CALN1: variants seen among roughly 807,000 people sequenced by gnomAD.
CALN1 encodes calneuron 1.
In CALN1, 17 loss-of-function variants were observed where a neutral mutation model predicts 30.6. The observed-to-expected ratio is 0.56, with a 90% CI of 0.38 to 0.83. The LOEUF (loss-of-function observed/expected upper bound fraction) is 0.83, where lower values mean the gene tolerates loss of function less well. Ranked by LOEUF, CALN1 falls within the 40% of genes least tolerant of loss-of-function variation. The probability of loss-of-function intolerance (pLI) is 0.00; values close to 1 mark genes in which losing one functional copy is unlikely to be tolerated. For missense variants in CALN1, 291 were observed against 354.9 expected (o/e 0.82, Z 1.45); for synonymous variants, 156 against 131.4 (o/e 1.19, Z -1.28).
At chr7:71,812,554 C>T (rs188804589) in intron 5 of CALN1, among the ~76,000 whole-genome samples, 169 of 152,306 alleles carry the variant, frequency 1.1e-3, no homozygotes, top group African/African-American at 3.9e-3. Flanking sequence ...TTGAAATTAG[C>T]TGCATCTAAC....
At chr7:71,955,444 C>T (rs1021464890) in intron 5 of CALN1, among the ~76,000 whole-genome samples, 1 of 152,046 alleles carries the variant, frequency 6.6e-6, no homozygotes, top group Admixed American at 6.6e-5. Context: ...TTATTTAAAT[C>T]TCAAAATGCT....
At chr7:72,278,880 G>A in intron 2 of CALN1, 70 bp from the exon 3 acceptor site, 1 of 1,558,120 alleles carries the variant, frequency 6.4e-7, no homozygotes, top group Non-Finnish European at 8.8e-7. Context: ...CTTTCTTAAA[G>A]GACCATCTGA....
intron 2 of CALN1, among the ~76,000 whole-genome samples, chr7:72,335,132 A>C (rs1249330693): frequency 6.6e-6 from 1 of 151,946 alleles, no homozygotes. Context: ...AAAAATCAAA[A>C]CTCCACATTC....
intron 3 of CALN1, among the ~76,000 whole-genome samples, chr7:72,259,767 A>G (rs368641753): frequency 9.2e-5 from 14 of 152,118 alleles, no homozygotes; most frequent in Non-Finnish European, 1.5e-5. Flanking sequence ...TCCCCAACTC[A>G]TTGCTCCTTC....
At chr7:72,132,928 T>A (rs1809259869) in intron 3 of CALN1, among the ~76,000 whole-genome samples, 1 of 152,122 alleles carries the variant, frequency 6.6e-6, no homozygotes, top group African/African-American at 2.4e-5. Context: ...CCATCTCCTA[T>A]CAGATCAGCA....
intron 5 of CALN1, among the ~76,000 whole-genome samples, chr7:71,872,477 T>C (rs1213520154): frequency 1.3e-5 from 2 of 152,260 alleles, no homozygotes; most frequent in East Asian, 3.8e-4. Flanking sequence ...TAATAAATTG[T>C]GTCCTCAGAG....
At position 71,781,540 on chromosome 7, in the gene CALN1, G is replaced by A. The variant is rs1373196301; in HGVS notation, c.*6235C>T. The A allele has an allele frequency of 2.6e-5, 4 of 152,198 alleles. No homozygotes were observed. The highest frequency in any genetic ancestry group is 4.4e-5 in the Non-Finnish European group (3 of 68,074). 9.4% of individuals were successfully genotyped at this position (152,198 alleles called of 1,614,324 possible). The stretch of plus-strand genomic sequence containing the variant: ...AGCGATCCAGAGAAGACCTTCAGAG[G>A]ACAGCATCTGCAGCCCTTTAAGAAC... On this transcript the variant is annotated 3_prime_UTR_variant, in exon 7 of 7. Transcript: ENST00000395275.
chr7:71,921,815 C>A (rs1000331585), intron 5 of CALN1, among the ~76,000 whole-genome samples: 3 of 152,042 alleles, frequency 2.0e-5, no homozygotes, highest in Admixed American at 1.3e-4. Flanking sequence ...TCTCACTGTA[C>A]CTCTGCACCA....
intron 5 of CALN1, among the ~76,000 whole-genome samples, chr7:71,920,829 C>T (rs1794907428): frequency 6.6e-6 from 1 of 152,124 alleles, no homozygotes; most frequent in Non-Finnish European, 1.5e-5. Context: ...GGATCTATAA[C>T]TAGAAATACC....
chr7:71,998,310 G>T (rs958296678), intron 5 of CALN1, among the ~76,000 whole-genome samples: 1 of 152,110 alleles, frequency 6.6e-6, no homozygotes, highest in Admixed American at 6.6e-5. Flanking sequence ...CAAGGAGGAG[G>T]AAGAAATAAG....
Position 71,847,776 on chromosome 7 carries a change from G to GAAGAAAGAAGAAAGAAGAAGAAGAAGA in CALN1, c.502-37285_502-37284insTCTTCTTCTTCTTCTTTCTTCTTTCTT, listed in dbSNP as rs1562835581. Among the ~76,000 whole-genome samples the GAAGAAAGAAGAAAGAAGAAGAAGAAGA allele has an allele frequency of 1.9e-4, 13 of 66,950 alleles. No individual in the cohort carries two copies. The East Asian group carries it at 5.0e-3, about 26-fold the overall frequency. The allele number at this position is 66,950 out of a possible 152,430, so 43.9% of individuals were successfully genotyped here. A position where few individuals can be genotyped will look rare whatever the true frequency, so the allele number is the denominator to read the frequency against. ...AAGAAGAAAGAAGAAGAAGAAGAAA[G>GAAGAAAGAAGAAAGAAGAAGAAGAAGA]AAGAAGAAGAAGAAGAAGAAAAGAA... On this transcript the variant is annotated intron_variant, in intron 5 of 6. Coordinates refer to ENST00000395275, the MANE Select transcript of CALN1 (RefSeq NM_031468.4).
At position 72,306,565 on chromosome 7, in the gene CALN1, CCTT is replaced by C. The variant is rs1345430388; in HGVS notation, c.120-27758_120-27756del. On this transcript the variant is annotated intron_variant, in intron 2 of 6. Transcript: ENST00000395275. ...CACCTGGCCTTCCAATCTGTACTTT[CCTT>C]CTTTTCTTTTCCTACTGTTCTAAAG... Among the ~76,000 whole-genome samples the C allele has an allele frequency of 5.3e-5, 8 of 151,588 alleles. No homozygotes were observed. The East Asian group carries it at 1.2e-3, about 22-fold the overall frequency.
intron 3 of CALN1, among the ~76,000 whole-genome samples, chr7:72,128,013 T>C (rs1808886918): frequency 6.6e-6 from 1 of 152,082 alleles, no homozygotes; most frequent in African/African-American, 2.4e-5. Context: ...TGAAATACAA[T>C]CAGCAAAATG....
intron 4 of CALN1, among the ~76,000 whole-genome samples, chr7:72,025,482 A>G (rs1172679031): frequency 6.6e-6 from 1 of 152,236 alleles, no homozygotes; most frequent in East Asian, 1.9e-4. Context: ...GTACTTGTAC[A>G]ATGAATGAAT....
intron 5 of CALN1, among the ~76,000 whole-genome samples, chr7:71,921,971 T>C (rs753443781): frequency 3.3e-5 from 5 of 152,154 alleles, no homozygotes; most frequent in Non-Finnish European, 5.9e-5. Flanking sequence ...TGCACACATT[T>C]CCATTAGGCA....
At chr7:72,167,108 A>T (rs186644577) in intron 3 of CALN1, among the ~76,000 whole-genome samples, 20 of 152,244 alleles carry the variant, frequency 1.3e-4, no homozygotes, top group South Asian at 6.2e-4. Flanking sequence ...GAAGGAGAAG[A>T]AGTAAAATAA....
rs922987808 is a variant in CALN1, at chr7:72,308,951, G to A, written c.120-30141C>T. Among the ~76,000 whole-genome samples the A allele has an allele frequency of 1.6e-4, 25 of 152,080 alleles. 1 individual carries two copies. Among genetic ancestry groups the A allele is most frequent in the Non-Finnish European group, 5.9e-5 (4 of 68,026 alleles). ...AGGAAAATAGTAAACATTTTTAGAG[G>A]GCTCACTATGTGCTAGGCAATTCTA... On this transcript the variant is annotated intron_variant, in intron 2 of 6. Transcript: ENST00000395275.
intron 4 of CALN1, among the ~76,000 whole-genome samples, chr7:72,036,665 C>T (rs1214856306): frequency 6.6e-6 from 1 of 152,076 alleles, no homozygotes; most frequent in Admixed American, 6.6e-5. Context: ...TAGAATTTCT[C>T]TTATGTTTCA....
At chr7:72,501,902 T>C in the CALN1 span, among the ~76,000 whole-genome samples, 1 of 78,836 alleles carries the variant, frequency 1.3e-5, no homozygotes, top group Non-Finnish European at 2.1e-5. Flanking sequence ...GAGCGAGATT[T>C]CGTCTCAAAA....
Sources: gnomAD v4.1 joint callset for allele counts (sites outside exome capture counted in the v4.1 genomes callset) on GRCh38, gnomAD v4.1.1 for gene constraint, MANE v1.5 for transcripts, NCBI Gene and HGNC (gene_info 2026-07-23, HGNC 2026-07-21) for gene names.